The following PHYHIPL variants were observed in gnomAD, a reference collection of about 807,000 sequenced individuals.
PHYHIPL encodes the protein phytanoyl-CoA 2-hydroxylase interacting protein like.
In PHYHIPL, 9 loss-of-function variants were observed where a neutral mutation model predicts 33.4. That is an observed-to-expected ratio of 0.27 (90% CI 0.16 to 0.47). The LOEUF is 0.47. Among genes scored for constraint, PHYHIPL ranks in the 20% least tolerant of loss-of-function variants. PHYHIPL has a pLI of 0.99. For missense variants in PHYHIPL, 365 were observed against 460.7 expected, an observed-to-expected ratio of 0.79 and a Z score of 1.90; for synonymous variants, 153 against 154.1, an observed-to-expected ratio of 0.99 and a Z score of 0.05.
At chr10:59,206,066 G>A (rs1018557587) in intron 1 of PHYHIPL, among the ~76,000 whole-genome samples, 7 of 152,010 alleles carry the variant, frequency 4.6e-5, no homozygotes, top group South Asian at 2.1e-4. Context: ...TTGATCAAGC[G>A]CCTTCTTATA....
At chr10:59,201,159 AT>A (rs1234850333) in intron 1 of PHYHIPL, among the ~76,000 whole-genome samples, 6 of 152,096 alleles carry the variant, frequency 3.9e-5, no homozygotes, top group African/African-American at 1.4e-4. Context: ...TAGGATGTCA[AT>A]TTTAGATCTT....
chr10:59,241,872 G>C (rs1589300786), intron 4 of PHYHIPL, among the ~76,000 whole-genome samples: 1 of 151,948 alleles, frequency 6.6e-6, no homozygotes. Context: ...CTGTGCCAAT[G>C]AGCACAGACA....
chr10:59,180,631 A>C (rs1838390175), intron 1 of PHYHIPL, among the ~76,000 whole-genome samples: 1 of 152,020 alleles, frequency 6.6e-6, no homozygotes, highest in Non-Finnish European at 1.5e-5. Context: ...AGAAGCTAAC[A>C]GATTTCCTTG....
intron 1 of PHYHIPL, among the ~76,000 whole-genome samples, chr10:59,209,123 T>C (rs1839371768): frequency 1.3e-5 from 2 of 151,780 alleles, no homozygotes; most frequent in South Asian, 4.2e-4. Context: ...AGACACATAA[T>C]TGTCAGATTC....
intron 1 of PHYHIPL, among the ~76,000 whole-genome samples, chr10:59,188,770 C>G (rs1460348953): frequency 2.0e-5 from 3 of 152,076 alleles, no homozygotes; most frequent in Non-Finnish European, 4.4e-5. Flanking sequence ...TCTATTTTAT[C>G]CGAGACTAAG....
intron 1 of PHYHIPL, among the ~76,000 whole-genome samples, chr10:59,224,475 C>CAAAACAAAACAAAAT (rs1554798718): frequency 6.7e-6 from 1 of 149,464 alleles, no homozygotes; most frequent in African/African-American, 2.5e-5. Context: ...CAAAACAAAA[C>CAAAACAAAACAAAAT]AAAACAAAAC....
At chr10:59,241,706 A>C (rs1356316406) in intron 4 of PHYHIPL, among the ~76,000 whole-genome samples, 1 of 152,286 alleles carries the variant, frequency 6.6e-6, no homozygotes, top group Admixed American at 6.5e-5. Flanking sequence ...GTTAATGAGA[A>C]TGTAACAAGG....
chr10:59,174,188 A>T (rs1838213941), upstream of PHYHIPL, among the ~76,000 whole-genome samples: 5 of 151,738 alleles, frequency 3.3e-5, no homozygotes, highest in Admixed American at 3.3e-4. Context: ...CCCTCACCCT[A>T]CATCTTCAGG....
intron 1 of PHYHIPL, chr10:59,177,562 T>C (rs1324907515): frequency 1.3e-6 from 2 of 1,551,660 alleles, no homozygotes; most frequent in Admixed American, 2.0e-5. Context: ...GGGCTCTGAG[T>C]CAGACTGTCG....
At chr10:59,223,153 G>C (rs1449502913) in intron 1 of PHYHIPL, among the ~76,000 whole-genome samples, 1 of 152,180 alleles carries the variant, frequency 6.6e-6, no homozygotes, top group African/African-American at 2.4e-5. Context: ...TGTAATTTGT[G>C]ATAAATGTTC....
chr10:59,215,294 G>A (rs937048857), intron 1 of PHYHIPL, among the ~76,000 whole-genome samples: 1 of 152,004 alleles, frequency 6.6e-6, no homozygotes, highest in African/African-American at 2.4e-5. Flanking sequence ...TATCACCTGA[G>A]TAGTAAAAGA....
intron 1 of PHYHIPL, among the ~76,000 whole-genome samples, chr10:59,213,999 A>T (rs1839537826): frequency 6.6e-6 from 1 of 152,118 alleles, no homozygotes; most frequent in Non-Finnish European, 1.5e-5. Flanking sequence ...CTTAATAATT[A>T]AAATGGTGGG....
At chr10:59,173,724 G>GTT (rs749863618), upstream of PHYHIPL, among the ~76,000 whole-genome samples, 9 of 152,010 alleles carry the variant, frequency 5.9e-5, no homozygotes, top group Non-Finnish European at 8.8e-5. Flanking sequence ...TTTATGGCCA[G>GTT]TTTTTACACA....
chr10:59,184,981 A>G (rs1589257361), intron 1 of PHYHIPL, among the ~76,000 whole-genome samples: 1 of 145,184 alleles, frequency 6.9e-6, no homozygotes, highest in Admixed American at 6.8e-5. Flanking sequence ...ACATGAACTC[A>G]TCATTTTTTT....
intron 1 of PHYHIPL, among the ~76,000 whole-genome samples, chr10:59,204,230 A>G (rs2452509): frequency 0.046 from 7,016 of 152,272 alleles, 453 homozygotes; most frequent in African/African-American, 0.14. Flanking sequence ...AAAATCTTCT[A>G]TCCTGCTAGG....
chr10:59,225,207 T>C (rs1839894012), intron 1 of PHYHIPL, among the ~76,000 whole-genome samples: 1 of 62,726 alleles, frequency 1.6e-5, no homozygotes, highest in African/African-American at 3.9e-5. Flanking sequence ...TCCATCAACA[T>C]TATACTCCCT....
At chr10:59,239,760 GCC>G (rs888095650) in intron 4 of PHYHIPL, among the ~76,000 whole-genome samples, 14 of 151,842 alleles carry the variant, frequency 9.2e-5, no homozygotes, top group African/African-American at 3.4e-4. Flanking sequence ...TGTTTTAAAA[GCC>G]TTAGTCTCAC....
At chr10:59,237,798 C>A (rs1840270181) in intron 3 of PHYHIPL, among the ~76,000 whole-genome samples, 1 of 151,854 alleles carries the variant, frequency 6.6e-6, no homozygotes. Flanking sequence ...CATAATAAAT[C>A]ATTATTGTAC....
intron 1 of PHYHIPL, among the ~76,000 whole-genome samples, chr10:59,193,187 A>G (rs1303811836): frequency 6.6e-6 from 1 of 152,126 alleles, no homozygotes; most frequent in Non-Finnish European, 1.5e-5. Context: ...TTGGAAATTA[A>G]TTACTTTAGA....
Sources: gnomAD v4.1 joint callset for allele counts (sites outside exome capture counted in the v4.1 genomes callset) on GRCh38, gnomAD v4.1.1 for gene constraint, MANE v1.5 for transcripts, NCBI Gene and HGNC (gene_info 2026-07-23, HGNC 2026-07-21) for gene names.